Variants in FAM199X observed in about 807,000 individuals in gnomAD.
The protein encoded by FAM199X is family with sequence similarity 199, X-linked.
FAM199X carries 4 observed loss-of-function variants against 22.9 expected under a neutral mutation model. The observed-to-expected ratio is 0.17, with a 90% CI of 0.09 to 0.40. The LOEUF (loss-of-function observed/expected upper bound fraction) is 0.40, where lower values mean the gene tolerates loss of function less well. FAM199X is among the 10% of genes least tolerant of loss of function. FAM199X has a pLI of 1.00. For missense variants in FAM199X, 183 were observed against 306.8 expected (o/e 0.60, Z 3.01); for synonymous variants, 101 against 112.3 (o/e 0.90, Z 0.64).
In FAM199X at chrX:104,190,962, A is replaced by G. The variant is rs1921922599; in HGVS notation, c.*1184A>G. On this transcript the variant is annotated 3_prime_UTR_variant, in exon 6 of 6. Transcript: ENST00000493442. ...TGTTATCATGAACATTAGAAATAGCATTATTCCTTTTCTTCTACCACATGT... is the reference window on the plus strand; with the variant it reads ...TGTTATCATGAACATTAGAAATAGCGTTATTCCTTTTCTTCTACCACATGT... The G allele has an allele frequency of 8.9e-6, 1 of 111,894 alleles. No homozygotes were observed. Among genetic ancestry groups the G allele is most frequent in the African/African-American group, 3.2e-5 (1 of 30,832 alleles). 9.2% of individuals were successfully genotyped at this position (111,894 alleles called of 1,213,427 possible). A position where few individuals can be genotyped will look rare whatever the true frequency, so the allele number is the denominator to read the frequency against.
chrX:104,157,504 G>C, the FAM199X span, among the ~76,000 whole-genome samples: 1 of 111,841 alleles, frequency 8.9e-6, no homozygotes, highest in Non-Finnish European at 1.9e-5. Flanking sequence ...ATTCAAGCAT[G>C]CTATTCCTTG....
At chrX:104,163,611 A>T (rs1921087994), upstream of FAM199X, among the ~76,000 whole-genome samples, 1 of 111,268 alleles carries the variant, frequency 9.0e-6, no homozygotes, top group African/African-American at 3.3e-5. Flanking sequence ...AACATTATAC[A>T]TACAGTGCAC....
chrX:104,183,239 T>C (rs1921707880), intron 2 of FAM199X, among the ~76,000 whole-genome samples: 1 of 110,478 alleles, frequency 9.1e-6, no homozygotes, highest in Non-Finnish European at 1.9e-5. Context: ...TTTTGTCTGA[T>C]AAGAAGTATC....
intron 2 of FAM199X, among the ~76,000 whole-genome samples, chrX:104,183,863 G>A (rs1319212920): frequency 3.6e-5 from 4 of 112,280 alleles, no homozygotes; most frequent in Non-Finnish European, 5.6e-5. Flanking sequence ...GTTTTTAAGA[G>A]TAGTAGCTAC....
chrX:104,173,044 C>T (rs1190661589), intron 1 of FAM199X, among the ~76,000 whole-genome samples: 2 of 111,506 alleles, frequency 1.8e-5, no homozygotes, highest in African/African-American at 3.3e-5. Context: ...GATCAGCTTG[C>T]TATAACCACA....
intron 2 of FAM199X, among the ~76,000 whole-genome samples, chrX:104,180,904 G>A (rs1037904800): frequency 8.0e-5 from 9 of 112,120 alleles, no homozygotes; most frequent in Non-Finnish European, 1.7e-4. Flanking sequence ...GATTCTCTGG[G>A]AAGAAAAATG....
chrX:104,173,609 G>A (rs782587435), intron 1 of FAM199X, among the ~76,000 whole-genome samples: 1 of 111,888 alleles, frequency 8.9e-6, no homozygotes, highest in African/African-American at 3.2e-5. Flanking sequence ...CTAATAATAG[G>A]TAAATAACAG....
At chrX:104,181,045 G>A (rs1013855938) in intron 2 of FAM199X, among the ~76,000 whole-genome samples, 64 of 112,151 alleles carry the variant, frequency 5.7e-4, no homozygotes, top group African/African-American at 1.8e-3. Flanking sequence ...TTAAGAGTCT[G>A]AGAAATTATT....
chrX:104,176,153 T>G (rs112891352), intron 2 of FAM199X, among the ~76,000 whole-genome samples: 2 of 112,254 alleles, frequency 1.8e-5, no homozygotes, highest in African/African-American at 6.5e-5. Flanking sequence ...TCCTACCCTA[T>G]AATAAATAGC....
chrX:104,185,056 A>G (rs1407118080), intron 2 of FAM199X, among the ~76,000 whole-genome samples: 1 of 100,530 alleles, frequency 9.9e-6, no homozygotes, highest in Non-Finnish European at 2.0e-5. Flanking sequence ...AATTACAGGC[A>G]TGATAATTTT....
rs1362282347 is a variant in FAM199X, at chrX:104,185,680, G to A, written c.418-386G>A. On this transcript the variant is annotated intron_variant, in intron 2 of 5. Coordinates refer to ENST00000493442, the MANE Select transcript of FAM199X (RefSeq NM_207318.4). ...TGGAGTAGTGCAGTGGCACCATCTC[G>A]GCTCACTGCAACCTCCACCTCCCAG... Among the ~76,000 whole-genome samples the A allele has an allele frequency of 5.5e-5, 6 of 110,000 alleles. 1 individual carries two copies. Among genetic ancestry groups the A allele is most frequent in the Admixed American group, 1.9e-4 (2 of 10,343 alleles).
upstream of FAM199X, among the ~76,000 whole-genome samples, chrX:104,163,361 T>C (rs1183534470): frequency 8.9e-6 from 1 of 111,916 alleles, no homozygotes; most frequent in Admixed American, 9.5e-5. Flanking sequence ...CAGGCTCAGA[T>C]CTTCAGAGAA....
chrX:104,189,247 CCA>C (rs1330293391), intron 5 of FAM199X, among the ~76,000 whole-genome samples: 2 of 111,264 alleles, frequency 1.8e-5, no homozygotes, highest in African/African-American at 3.3e-5. Flanking sequence ...GCAATGTTCT[CCA>C]CAGGTGTATT....
chrX:104,161,733 C>T (rs1201625547), upstream of FAM199X, among the ~76,000 whole-genome samples: 7 of 110,115 alleles, frequency 6.4e-5, no homozygotes, highest in African/African-American at 2.3e-4. Context: ...CCCAGCTACT[C>T]AGGAGGCTGA....
At chrX:104,163,578 CATT>C (rs1921087301), upstream of FAM199X, among the ~76,000 whole-genome samples, 2 of 111,226 alleles carry the variant, frequency 1.8e-5, no homozygotes, top group South Asian at 7.5e-4. Flanking sequence ...TGTATTAATA[CATT>C]ATTACCATAT....
chrX:104,164,495 AAC>A, upstream of FAM199X, among the ~76,000 whole-genome samples: 1 of 112,223 alleles, frequency 8.9e-6, no homozygotes, highest in East Asian at 2.8e-4. Flanking sequence ...ACAAAAGTAA[AAC>A]ACATACTTGT....
intron 1 of FAM199X, among the ~76,000 whole-genome samples, chrX:104,167,262 C>G (rs782555023): frequency 2.8e-5 from 3 of 105,817 alleles, no homozygotes; most frequent in Non-Finnish European, 5.8e-5. Flanking sequence ...CTTCCCTCCC[C>G]CCATCTGTAC....
the FAM199X span, among the ~76,000 whole-genome samples, chrX:104,157,431 C>T: frequency 3.6e-4 from 40 of 110,307 alleles, 1 homozygote; most frequent in East Asian, 9.6e-3. Context: ...GACTTTGAAA[C>T]CTGAGCTCCC....
In FAM199X at chrX:104,166,548, C is replaced by T. The variant is rs1921194543; in HGVS notation, c.-238C>T. The T allele has an allele frequency of 3.7e-6, 1 of 270,006 alleles. No individual in the cohort carries two copies. The highest frequency in any genetic ancestry group is 6.6e-6 in the Non-Finnish European group (1 of 152,566). 22.3% of individuals were successfully genotyped at this position (270,006 alleles called of 1,213,427 possible). A position where few individuals can be genotyped will look rare whatever the true frequency, so the allele number is the denominator to read the frequency against. On this transcript the variant is annotated 5_prime_UTR_variant, in exon 1 of 6. Coordinates refer to ENST00000493442, the MANE Select transcript of FAM199X (RefSeq NM_207318.4). ...CTGAGTCTGGCGGCGGCGGAAGCTG[C>T]AGAGGCCACCGGGGCGCTAACTGGG...
Sources: allele counts gnomAD v4.1 joint callset (sites outside exome capture counted in the v4.1 genomes callset), GRCh38; gene constraint gnomAD v4.1.1; transcripts MANE v1.5; gene names NCBI Gene and HGNC (gene_info 2026-07-23, HGNC 2026-07-21).